Variants in DCDC2C observed in about 807,000 individuals in gnomAD.
The protein encoded by DCDC2C is doublecortin domain containing 2C.
DCDC2C carries 44 observed loss-of-function variants against 45.0 expected under a neutral mutation model. The observed-to-expected ratio is 0.98, with a 90% confidence interval of 0.77 to 1.26. DCDC2C has a LOEUF of 1.26. Among genes scored for constraint, DCDC2C ranks in the 50% most tolerant of loss-of-function variants. DCDC2C has a pLI of 0.00. For missense variants in DCDC2C, 447 were observed against 468.9 expected, an observed-to-expected ratio of 0.95 and a Z score of 0.43; for synonymous variants, 187 against 178.8, an observed-to-expected ratio of 1.05 and a Z score of -0.37.
intron 3 of DCDC2C, 84 bp from the exon 4 acceptor site, chr2:3,741,836 C>A: frequency 2.2e-6 from 3 of 1,379,926 alleles, no homozygotes; most frequent in Non-Finnish European, 2.9e-6. Context: ...TTTTACAGTT[C>A]TGTAATTGTA....
intron 10 of DCDC2C, among the ~76,000 whole-genome samples, chr2:3,817,380 C>T (rs112688026): frequency 0.12 from 17,978 of 152,172 alleles, 1,335 homozygotes; most frequent in East Asian, 0.18. Context: ...GGCATATTTA[C>T]GGTCAGTATA....
chr2:3,767,284 A>G (rs1485754888), intron 6 of DCDC2C, among the ~76,000 whole-genome samples: 2 of 152,230 alleles, frequency 1.3e-5, no homozygotes, highest in Non-Finnish European at 2.9e-5. Context: ...TGCAACCCCA[A>G]AGTAAACCGC....
At position 3,816,232 on chromosome 2, in the gene DCDC2C, G is replaced by A. The variant is rs187556962; in HGVS notation, c.1066-30922G>A. On this transcript the variant is annotated intron_variant, in intron 10 of 10. Transcript: ENST00000399143. The stretch of plus-strand genomic sequence containing the variant: ...GAACTAAATGGAAGACACAAAGTCC[G>A]AATAAGAGAAGGAGAAAAACAGGAA... 7.5e-3 allele frequency among the ~76,000 whole-genome samples: 1,136 copies of A among 152,306 alleles called. 10 individuals carry two copies. Among genetic ancestry groups the A allele is most frequent in the Non-Finnish European group, 0.011 (764 of 68,032 alleles).
intron 6 of DCDC2C, among the ~76,000 whole-genome samples, chr2:3,757,931 G>T (rs1669765741): frequency 6.6e-6 from 1 of 152,178 alleles, no homozygotes; most frequent in East Asian, 1.9e-4. Context: ...TGATACCTAT[G>T]GGGGGAAAGC....
At chr2:3,712,604 C>A (rs1282520393) in intron 2 of DCDC2C, among the ~76,000 whole-genome samples, 1 of 152,156 alleles carries the variant, frequency 6.6e-6, no homozygotes, top group African/African-American at 2.4e-5. Flanking sequence ...CAACTGCACT[C>A]CAGCCTGAGC....
chr2:3,799,010 A>G (rs1317310367), intron 10 of DCDC2C, among the ~76,000 whole-genome samples: 3 of 150,860 alleles, frequency 2.0e-5, no homozygotes, highest in South Asian at 2.1e-4. Flanking sequence ...AGGTATACCA[A>G]TCAGATGTAG....
intron 10 of DCDC2C, among the ~76,000 whole-genome samples, chr2:3,790,904 C>A (rs138438136): frequency 6.6e-6 from 1 of 152,020 alleles, no homozygotes; most frequent in African/African-American, 2.4e-5. Context: ...GTCAGGAGAT[C>A]GAGACCATCC....
intron 4 of DCDC2C, among the ~76,000 whole-genome samples, chr2:3,748,795 C>T (rs183323305): frequency 6.6e-6 from 1 of 152,220 alleles, no homozygotes; most frequent in African/African-American, 2.4e-5. Context: ...CTTGTCATCT[C>T]TCCTCTAGTA....
intron 2 of DCDC2C, among the ~76,000 whole-genome samples, chr2:3,711,140 A>G (rs998309985): frequency 6.6e-6 from 1 of 152,246 alleles, no homozygotes; most frequent in African/African-American, 2.4e-5. Flanking sequence ...GTCAAAAAAC[A>G]ACAGATGCTG....
At chr2:3,730,751 A>G (rs1221502139) in intron 3 of DCDC2C, among the ~76,000 whole-genome samples, 1 of 152,194 alleles carries the variant, frequency 6.6e-6, no homozygotes, top group African/African-American at 2.4e-5. Flanking sequence ...TGCCCTCAGC[A>G]GTCCTTCTGG....
Position 3,741,970 on chromosome 2 carries a change from C to T in DCDC2C, c.467C>T (p.Pro156Leu), listed in dbSNP as rs969679435. 1.1e-5 allele frequency: 17 copies of T among 1,547,890 alleles called. No individual in the cohort carries two copies. The African/African-American group carries it at 1.9e-4, about 17-fold the overall frequency. The change falls in exon 4 of 11, where the codon CCC becomes CTC. Residue 156 changes from proline to leucine, a missense_variant. Transcript: ENST00000399143. ...LFIPPAKIIIPKFSLSDWDIV... is the reference protein window; with the variant it reads ...LFIPPAKIIILKFSLSDWDIV... ...ATTCCACCTGCAAAAATCATTATAC[C>T]CAAATTTAGTCTGTCCGATTGGGAC...
chr2:3,708,424 C>T (rs560864513), intron 1 of DCDC2C, 125 bp from the exon 2 acceptor site: 10 of 645,944 alleles, frequency 1.5e-5, no homozygotes, highest in African/African-American at 9.3e-5. Flanking sequence ...AATTTTAGAT[C>T]CTAGTTCCAA....
chr2:3,704,302 C>T (rs1322418136), intron 1 of DCDC2C: 2 of 359,132 alleles, frequency 5.6e-6, no homozygotes, highest in Non-Finnish European at 5.0e-6. Context: ...TTCAGGACCG[C>T]CCCAGAGACG....
At chr2:3,712,711 A>C (rs1366899750) in intron 2 of DCDC2C, among the ~76,000 whole-genome samples, 1 of 152,142 alleles carries the variant, frequency 6.6e-6, no homozygotes, top group Non-Finnish European at 1.5e-5. Context: ...GTGAGATGCC[A>C]AGTGCCAGGA....
chr2:3,796,773 G>A (rs1268438276), intron 10 of DCDC2C, among the ~76,000 whole-genome samples: 21 of 138,028 alleles, frequency 1.5e-4, no homozygotes, highest in South Asian at 4.8e-4. Flanking sequence ...CGTTTTGCCA[G>A]TATTTTATTG....
At chr2:3,802,500 C>G (rs66682952) in intron 10 of DCDC2C, among the ~76,000 whole-genome samples, 73,342 of 151,956 alleles carry the variant, frequency 0.48, 18,527 homozygotes, top group East Asian at 0.82. Flanking sequence ...CATAGAGTTG[C>G]AGGCTTAAAA....
At chr2:3,735,225 CT>C (rs571746302) in intron 3 of DCDC2C, among the ~76,000 whole-genome samples, 2 of 151,258 alleles carry the variant, frequency 1.3e-5, no homozygotes, top group East Asian at 1.9e-4. Flanking sequence ...TTGTAACTTT[CT>C]TTTTTTTATT....
At chr2:3,716,556 A>T (rs2148054109) in intron 2 of DCDC2C, among the ~76,000 whole-genome samples, 1 of 152,310 alleles carries the variant, frequency 6.6e-6, no homozygotes, top group Non-Finnish European at 1.5e-5. Flanking sequence ...TAAAGGAAGG[A>T]GAGAAATGTA....
chr2:3,725,866 G>A (rs2148072983), intron 2 of DCDC2C: 1 of 157,986 alleles, frequency 6.3e-6, no homozygotes. Context: ...AGGCTGCCAG[G>A]TGGATCCTGG....
Sources: allele counts gnomAD v4.1 joint callset (sites outside exome capture counted in the v4.1 genomes callset), GRCh38; gene constraint gnomAD v4.1.1; transcripts MANE v1.5; gene names NCBI Gene and HGNC (gene_info 2026-07-23, HGNC 2026-07-21).